CKAP5: variants seen among roughly 807,000 people sequenced by gnomAD.
CKAP5 encodes cytoskeleton-associated protein 5.
A neutral mutation model predicts 232.8 loss-of-function variants in CKAP5; 27 were observed. The ratio of observed to expected loss-of-function variants is 0.12; its 90% CI spans 0.09 to 0.16. The LOEUF is 0.16. Ranked by LOEUF, CKAP5 falls within the 10% of genes least tolerant of loss-of-function variation. CKAP5 has a pLI of 1.00. For synonymous variants in CKAP5, 785 were observed against 841.1 expected, an observed-to-expected ratio of 0.93 and a Z score of 1.16; for missense variants, 1,838 against 2,424.7, an observed-to-expected ratio of 0.76 and a Z score of 5.08.
chr11:46,794,086 A>G (rs1251977395), intron 13 of CKAP5, among the ~76,000 whole-genome samples: 1 of 152,228 alleles, frequency 6.6e-6, no homozygotes, highest in Non-Finnish European at 1.5e-5. Flanking sequence ...TGGACACCGT[A>G]TATAAAAATA....
chr11:46,821,274 C>A lies in CKAP5; in HGVS notation c.-37-6G>T. The A allele has an allele frequency of 1.4e-6, 2 of 1,473,172 alleles. No individual in the cohort carries two copies. The highest frequency in any genetic ancestry group is 2.3e-5 in the South Asian group (2 of 87,584). The allele number at this position is 1,473,172 out of a possible 1,614,324, so 91.3% of individuals were successfully genotyped here. A position where few individuals can be genotyped will look rare whatever the true frequency, so the allele number is the denominator to read the frequency against. ...CTTAGAATTAAGAGTATTTCCTGGT[C>A]AGATAAAGGTAGAAACCTGCTTAGC... On this transcript the variant is annotated splice_region_variant and splice_polypyrimidine_tract_variant and intron_variant, in intron 1 of 43. Coordinates refer to ENST00000529230, the MANE Select transcript of CKAP5 (RefSeq NM_001008938.4).
intron 1 of CKAP5, among the ~76,000 whole-genome samples, chr11:46,843,651 GC>G (rs1940112001): frequency 6.6e-6 from 1 of 150,594 alleles, no homozygotes; most frequent in Non-Finnish European, 1.5e-5. Context: ...GATCACCTGA[GC>G]CCTGGAGGTG....
chr11:46,841,997 CAAAA>C (rs3031699), intron 1 of CKAP5, among the ~76,000 whole-genome samples: 15 of 109,376 alleles, frequency 1.4e-4, no homozygotes, highest in Non-Finnish European at 1.3e-4. Context: ...GACTTTGGTT[CAAAA>C]AAAAAAAAAA....
At position 46,754,979 on chromosome 11, in the gene CKAP5, C is replaced by T. The variant is rs1401215488; in HGVS notation, c.4778G>A (p.Arg1593Lys). ...QFLIATFMQL[R>K]LIYNTHMADE... is the part of the protein sequence containing the mutation. ...TGCCATGTGTGTGTTGTAGATGAGT[C>T]TTAGCTGCATAAAAGTGGCTATCAG... The change falls in exon 36 of 44, where the codon AGA becomes AAA. Residue 1593 changes from arginine to lysine, a missense_variant. By Grantham distance (26) the Arg-to-Lys change is conservative (BLOSUM62 2). This residue lies in a region of CKAP5 where 579 missense variants were observed against 843.2 expected (regional missense o/e 0.69). Transcript: ENST00000529230. The T allele has an allele frequency of 1.9e-6, 3 of 1,613,992 alleles. No homozygotes were observed. The South Asian group carries it at 3.3e-5, about 18-fold the overall frequency.
chr11:46,809,612 T>A, intron 6 of CKAP5, 112 bp from the exon 7 acceptor site: 2 of 1,333,920 alleles, frequency 1.5e-6, no homozygotes, highest in Non-Finnish European at 2.1e-6. Flanking sequence ...GGACCAGAGT[T>A]ATTAAAGCTA....
At chr11:46,818,562 T>C in intron 2 of CKAP5, 59 bp from the exon 3 acceptor site, 2 of 1,231,662 alleles carry the variant, frequency 1.6e-6, no homozygotes, top group Non-Finnish European at 1.1e-6. Context: ...TCATCTACTA[T>C]TAATCTGGGG....
intron 19 of CKAP5, 40 bp from the exon 20 acceptor site, chr11:46,780,359 A>T: frequency 6.2e-7 from 1 of 1,613,752 alleles, no homozygotes. Context: ...AATCACAAAG[A>T]TGGCAATAAT....
chr11:46,743,811 A>T lies in CKAP5; in HGVS notation c.*212T>A. 1 of 602,116 alleles carries T rather than the reference A, an allele frequency of 1.7e-6. No individual in the cohort carries two copies. 37.3% of individuals were successfully genotyped at this position (602,116 alleles called of 1,614,324 possible). A position where few individuals can be genotyped will look rare whatever the true frequency, so the allele number is the denominator to read the frequency against. Reference sequence around the variant, plus strand: ...GTTTACAAGTCTGTACACTAAACTCATCCACGGACAGTCTTCTAGAGCAGC... The same window carrying T: ...GTTTACAAGTCTGTACACTAAACTCTTCCACGGACAGTCTTCTAGAGCAGC... On this transcript the variant is annotated 3_prime_UTR_variant, in exon 44 of 44. Transcript: ENST00000529230.
intron 27 of CKAP5, among the ~76,000 whole-genome samples, chr11:46,766,372 TGAG>T (rs2065202601): frequency 6.6e-6 from 1 of 152,194 alleles, no homozygotes; most frequent in Non-Finnish European, 1.5e-5. Flanking sequence ...AAATTTGGGA[TGAG>T]GACAGGCAGA....
rs181600165 is a variant in CKAP5 at position 46,754,248 on chromosome 11, T to C, written c.4869+640A>G. Among the ~76,000 whole-genome samples the C allele has an allele frequency of 2.8e-3, 421 of 152,350 alleles. 2 individuals carry two copies. Among genetic ancestry groups the C allele is most frequent in the African/African-American group, 9.6e-3 (399 of 41,592 alleles). Reference sequence around the variant, plus strand: ...TCCTGACATTGTGATCCACCCGCCTTGGCCTCCCAACGTGCTGAGATTATA... The same window carrying C: ...TCCTGACATTGTGATCCACCCGCCTCGGCCTCCCAACGTGCTGAGATTATA... On this transcript the variant is annotated intron_variant, in intron 36 of 43. Transcript: ENST00000529230.
At chr11:46,760,277 G>A (rs2134587953) in intron 33 of CKAP5, 1 of 415,118 alleles carries the variant, frequency 2.4e-6, no homozygotes, top group South Asian at 2.0e-5. Context: ...TCACCCTCCA[G>A]AGGGGATGAA....
chr11:46,836,137 G>A (rs1242216059), intron 1 of CKAP5, among the ~76,000 whole-genome samples: 4 of 152,196 alleles, frequency 2.6e-5, no homozygotes, highest in African/African-American at 9.7e-5. Context: ...TGACCACGAA[G>A]TGCAATATGT....
chr11:46,844,480 T>C (rs1267007875), intron 1 of CKAP5, among the ~76,000 whole-genome samples: 2 of 152,124 alleles, frequency 1.3e-5, no homozygotes, highest in Admixed American at 1.3e-4. Flanking sequence ...GAACTGTCAG[T>C]AGTAGAAGAC....
At chr11:46,746,911 GAGACCAGGA>G (rs1163484506) in intron 42 of CKAP5, among the ~76,000 whole-genome samples, 1 of 152,226 alleles carries the variant, frequency 6.6e-6, no homozygotes, top group Non-Finnish European at 1.5e-5. Context: ...GGGATCACTT[GAGACCAGGA>G]AGACCAGGAG....
chr11:46,744,059 T>A lies in CKAP5; in HGVS notation c.6063A>T (p.Lys2021Asn). Residue 2021 changes from lysine (K) to asparagine (N), a missense_variant, in exon 44 of 44, where the codon AAA (lysine) becomes AAT (asparagine). Transcript: ENST00000529230. ...SSSTANIDDL[K>N]KRLERIKSSR... ...TGCTCTTTATTCTCTCCAGTCTTTT[T>A]TTCAAGTCGTCTATGTTAGCTGTGG... 6.2e-7 allele frequency: 1 copy of A among 1,613,712 alleles called. No homozygotes were observed. The highest frequency in any genetic ancestry group is 1.1e-5 in the South Asian group (1 of 91,056).
chr11:46,845,752 G>A (rs958098164), intron 1 of CKAP5, among the ~76,000 whole-genome samples: 8 of 152,366 alleles, frequency 5.3e-5, no homozygotes, highest in Admixed American at 3.9e-4. Flanking sequence ...TGTGCGGCCA[G>A]GCCCCGGTGC....
chr11:46,777,692 A>G, intron 22 of CKAP5, 140 bp from the exon 23 acceptor site: 1 of 593,656 alleles, frequency 1.7e-6, no homozygotes, highest in Non-Finnish European at 3.0e-6. Flanking sequence ...TTGTCATGCT[A>G]TTCGACTTAG....
intron 13 of CKAP5, among the ~76,000 whole-genome samples, chr11:46,793,729 C>T (rs571405007): frequency 1.3e-5 from 2 of 152,296 alleles, no homozygotes; most frequent in East Asian, 3.9e-4. Context: ...TCGAGACCAG[C>T]TTGGCCAACA....
intron 13 of CKAP5, among the ~76,000 whole-genome samples, chr11:46,792,021 G>C (rs1344993093): frequency 6.6e-6 from 1 of 152,190 alleles, no homozygotes; most frequent in East Asian, 1.9e-4. Context: ...ATGGAAACCT[G>C]TAATACTTAC....
Sources: allele counts gnomAD v4.1 joint callset (sites outside exome capture counted in the v4.1 genomes callset), GRCh38; gene constraint gnomAD v4.1.1; regional missense constraint gnomAD v4.1.1; transcripts MANE v1.5; gene names NCBI Gene and HGNC (gene_info 2026-07-23, HGNC 2026-07-21).